Variants in BMPR1B observed in about 807,000 individuals in gnomAD.
The protein encoded by BMPR1B is bone morphogenetic protein receptor type-1B.
BMPR1B carries 12 observed loss-of-function variants against 59.1 expected under a neutral mutation model. The observed-to-expected ratio is 0.20, with a 90% CI of 0.13 to 0.33. The LOEUF is 0.33. Among genes scored for constraint, BMPR1B ranks in the 10% least tolerant of loss-of-function variants. The pLI, the probability that BMPR1B is intolerant of heterozygous loss-of-function variation, is 1.00. For synonymous variants in BMPR1B, 237 were observed against 207.3 expected, an observed-to-expected ratio of 1.14 and a Z score of -1.23; for missense variants, 550 against 610.9, an observed-to-expected ratio of 0.90 and a Z score of 1.05.
At chr4:94,935,928 T>C (rs1729277868) in intron 2 of BMPR1B, among the ~76,000 whole-genome samples, 1 of 152,218 alleles carries the variant, frequency 6.6e-6, no homozygotes, top group South Asian at 2.1e-4. Context: ...GTTTAGATTT[T>C]GTGTGCATTT....
chr4:94,957,114 A>G (rs935575370), intron 2 of BMPR1B, among the ~76,000 whole-genome samples: 2 of 152,198 alleles, frequency 1.3e-5, no homozygotes, highest in Non-Finnish European at 2.9e-5. Flanking sequence ...AATTGGGGCC[A>G]TATTTCCCAG....
intron 1 of BMPR1B, among the ~76,000 whole-genome samples, chr4:94,836,196 T>C (rs1476789446): frequency 1.3e-5 from 2 of 150,640 alleles, no homozygotes; most frequent in Admixed American, 6.6e-5. Flanking sequence ...TCTTTGCTAT[T>C]GTGAATAGTG....
chr4:94,975,119 T>C (rs1209841884), intron 2 of BMPR1B, among the ~76,000 whole-genome samples: 1 of 152,102 alleles, frequency 6.6e-6, no homozygotes, highest in African/African-American at 2.4e-5. Flanking sequence ...CAAGGTCTCC[T>C]CAGGATGTGG....
chr4:95,027,637 C>T (rs949121868), intron 3 of BMPR1B, among the ~76,000 whole-genome samples: 1 of 152,098 alleles, frequency 6.6e-6, no homozygotes, highest in African/African-American at 2.4e-5. Context: ...CATAGGCAGT[C>T]TTCAGTTTGA....
intron 2 of BMPR1B, among the ~76,000 whole-genome samples, chr4:94,889,170 G>A (rs1222271822): frequency 2.6e-5 from 4 of 151,932 alleles, no homozygotes; most frequent in African/African-American, 4.8e-5. Flanking sequence ...TTTAACAATG[G>A]CGATGTTTCA....
Position 95,116,421 on chromosome 4 carries a change from GCACACACA to G in BMPR1B, c.349+670_349+677del, listed in dbSNP as rs35436544. On this transcript the variant is annotated intron_variant, in intron 6 of 12. Transcript: ENST00000515059. Reference sequence around the variant, plus strand: ...CTCCTCCTCCATGCTTTCAGCGCGCGCACACACACACACACACACACACACACACACAC... The same window carrying G: ...CTCCTCCTCCATGCTTTCAGCGCGCGCACACACACACACACACACACACAC... Among the ~76,000 whole-genome samples the G allele has an allele frequency of 8.4e-3, 1,040 of 123,246 alleles. 17 individuals are homozygous for G. Among genetic ancestry groups the G allele is most frequent in the African/African-American group, 0.033 (917 of 27,856 alleles). 80.9% of individuals were successfully genotyped at this position (123,246 alleles called of 152,430 possible). A position where few individuals can be genotyped will look rare whatever the true frequency, so the allele number is the denominator to read the frequency against.
intron 10 of BMPR1B, among the ~76,000 whole-genome samples, chr4:95,140,094 C>CT (rs1579150049): frequency 6.6e-6 from 1 of 152,160 alleles, no homozygotes; most frequent in African/African-American, 2.4e-5. Flanking sequence ...AGTCTCCGTT[C>CT]TTATGTCTTC....
intron 4 of BMPR1B, among the ~76,000 whole-genome samples, chr4:95,113,904 T>A (rs1731810016): frequency 6.6e-6 from 1 of 152,170 alleles, no homozygotes; most frequent in South Asian, 2.1e-4. Context: ...TTTTTCTTAT[T>A]GTTGAGAGGA....
chr4:94,771,327 C>T (rs187115153), intron 1 of BMPR1B, among the ~76,000 whole-genome samples: 1 of 152,252 alleles, frequency 6.6e-6, no homozygotes, highest in East Asian at 1.9e-4. Flanking sequence ...TAAATCCATG[C>T]TCAAATGTTG....
intron 1 of BMPR1B, among the ~76,000 whole-genome samples, chr4:94,868,611 C>T (rs186294241): frequency 9.3e-4 from 142 of 152,206 alleles, no homozygotes; most frequent in African/African-American, 3.0e-3. Context: ...CAGTGTTGAA[C>T]GATGAGCAGG....
chr4:95,083,059 A>AAAAAAAC (rs1729298145), intron 3 of BMPR1B, among the ~76,000 whole-genome samples: 1 of 150,434 alleles, frequency 6.6e-6, no homozygotes, highest in African/African-American at 2.5e-5. Context: ...AAAAAAAAAA[A>AAAAAAAC]AGAATCATAA....
intron 1 of BMPR1B, among the ~76,000 whole-genome samples, chr4:94,848,966 A>G (rs1725459420): frequency 6.6e-6 from 1 of 152,168 alleles, no homozygotes; most frequent in African/African-American, 2.4e-5. Context: ...CATGGGTGAA[A>G]CCAGAAATTC....
At chr4:95,030,976 C>T (rs1339056344) in intron 3 of BMPR1B, among the ~76,000 whole-genome samples, 3 of 151,914 alleles carry the variant, frequency 2.0e-5, no homozygotes, top group Non-Finnish European at 4.4e-5. Flanking sequence ...ATGCCATCCC[C>T]ATCAAGCTAC....
intron 2 of BMPR1B, among the ~76,000 whole-genome samples, chr4:94,949,897 A>G (rs1729865158): frequency 1.3e-5 from 2 of 151,846 alleles, no homozygotes; most frequent in South Asian, 4.2e-4. Flanking sequence ...ACTAATTTAC[A>G]CTCCTACTAA....
chr4:95,046,595 A>G (rs1237563648), intron 3 of BMPR1B, among the ~76,000 whole-genome samples: 1 of 152,218 alleles, frequency 6.6e-6, no homozygotes, highest in Non-Finnish European at 1.5e-5. Flanking sequence ...CCGTAAATCT[A>G]GAATGTGTGA....
chr4:94,827,367 G>T (rs1345959090), intron 1 of BMPR1B, among the ~76,000 whole-genome samples: 1 of 151,880 alleles, frequency 6.6e-6, no homozygotes, highest in Non-Finnish European at 1.5e-5. Context: ...CTTTATTTCT[G>T]TTTCTCAAAT....
chr4:94,973,021 G>A (rs1423054431), intron 2 of BMPR1B, among the ~76,000 whole-genome samples: 1 of 152,154 alleles, frequency 6.6e-6, no homozygotes, highest in Non-Finnish European at 1.5e-5. Flanking sequence ...TCAGCCCCTT[G>A]TGGGAGGGAG....
intron 2 of BMPR1B, among the ~76,000 whole-genome samples, chr4:94,982,058 C>G (rs1201285512): frequency 6.6e-6 from 1 of 152,122 alleles, no homozygotes; most frequent in Non-Finnish European, 1.5e-5. Context: ...ATCTTTTCCT[C>G]CTAACAGATT....
At chr4:94,863,200 C>T (rs967713267) in intron 1 of BMPR1B, among the ~76,000 whole-genome samples, 2 of 152,092 alleles carry the variant, frequency 1.3e-5, no homozygotes, top group Admixed American at 6.5e-5. Flanking sequence ...TGGTGGAGGG[C>T]AGGAGGAGTG....
Sources: gnomAD v4.1 joint callset for allele counts (sites outside exome capture counted in the v4.1 genomes callset) on GRCh38, gnomAD v4.1.1 for gene constraint, MANE v1.5 for transcripts, NCBI Gene and HGNC (gene_info 2026-07-23, HGNC 2026-07-21) for gene names.